Variants in MYOM2 observed in about 807,000 individuals in gnomAD.
The protein encoded by MYOM2 is myomesin 2.
MYOM2 carries 254 observed loss-of-function variants against 187.6 expected under a neutral mutation model. The observed-to-expected ratio is 1.35, with a 90% CI of 1.22 to 1.50. MYOM2 has a LOEUF of 1.50. MYOM2 is among the 40% of genes most tolerant of loss of function. The pLI is 0.00. For synonymous variants in MYOM2, 981 were observed against 753.8 expected (o/e 1.30, Z -4.94); for missense variants, 2,796 against 1,924.0 (o/e 1.45, Z -8.48).
intron 23 of MYOM2, among the ~76,000 whole-genome samples, chr8:2,107,985 G>T (rs923928922): frequency 2.6e-5 from 4 of 152,196 alleles, no homozygotes; most frequent in African/African-American, 9.6e-5. Context: ...TTCATTCCAT[G>T]TATGGAAATT....
At chr8:2,112,741 CAGAG>C (rs1466256520) in intron 25 of MYOM2, among the ~76,000 whole-genome samples, 1 of 152,144 alleles carries the variant, frequency 6.6e-6, no homozygotes, top group African/African-American at 2.4e-5. Flanking sequence ...AATGTAAACT[CAGAG>C]AGAAAGAAGA....
chr8:2,135,451 G>A lies in MYOM2; in HGVS notation c.3801-5272G>A, dbSNP rs142438394. On this transcript the variant is annotated intron_variant, in intron 32 of 36. Transcript: ENST00000262113. ...TGTTTTGGGAAATGTGAAAGGCAGT[G>A]TGGTTGTAAGAGTCTGAGCTACAGA... Among the ~76,000 whole-genome samples, 27 of 152,276 alleles carry A rather than the reference G, an allele frequency of 1.8e-4. No homozygotes were observed. The East Asian group carries it at 4.2e-3, about 24-fold the overall frequency.
chr8:2,078,725 A>C lies in MYOM2; in HGVS notation c.1263-9A>C. The C allele has an allele frequency of 6.2e-7, 1 of 1,613,508 alleles. No homozygotes were observed. Among genetic ancestry groups the C allele is most frequent in the Non-Finnish European group, 8.5e-7 (1 of 1,179,754 alleles). The stretch of plus-strand genomic sequence containing the variant: ...TATTCTCTGTTGTTTTTCTTTTTTT[A>C]ACTTGAAGATGTGAAGTAGGAACGA... On this transcript the variant is annotated splice_polypyrimidine_tract_variant and intron_variant, in intron 11 of 36. Transcript: ENST00000262113.
At chr8:2,065,252 T>G (rs1414823635) in intron 6 of MYOM2, among the ~76,000 whole-genome samples, 1 of 152,086 alleles carries the variant, frequency 6.6e-6, no homozygotes, top group Non-Finnish European at 1.5e-5. Flanking sequence ...AAGGAGAATT[T>G]GAGGCTGGCA....
chr8:2,143,374 C>T, intron 35 of MYOM2, 27 bp from the exon 36 acceptor site: 1 of 1,614,194 alleles, frequency 6.2e-7, no homozygotes, highest in African/African-American at 1.3e-5. Flanking sequence ...CAGATGTTTT[C>T]CTAACCAAGG....
Position 2,144,745 on chromosome 8 carries a change from A to T in MYOM2, c.4162A>T (p.Ser1388Cys). Residue 1388 changes from serine (S) to cysteine (C), a missense_variant, in exon 37 of 37, where the codon AGC becomes TGC. Coordinates refer to ENST00000262113, the MANE Select transcript of MYOM2 (RefSeq NM_003970.4). ...CAAGAACGACCAGGACATCCAGCTC[A>T]GCGAGCACTTCTCGGTGAAGGTGGA... is the stretch of plus-strand genomic sequence containing the variant. ...WFKNDQDIQL[S>C]EHFSVKVEQA... 2 of 1,613,920 alleles carry T rather than the reference A, an allele frequency of 1.2e-6. No individual in the cohort carries two copies. The highest frequency in any genetic ancestry group is 1.7e-6 in the Non-Finnish European group (2 of 1,179,986).
At chr8:2,084,258 C>T (rs1381175718) in intron 13 of MYOM2, among the ~76,000 whole-genome samples, 2 of 152,182 alleles carry the variant, frequency 1.3e-5, no homozygotes, top group African/African-American at 2.4e-5. Context: ...GTGTGAAATT[C>T]AGCACCTTAC....
At chr8:2,066,824 C>G (rs921973193) in intron 6 of MYOM2, among the ~76,000 whole-genome samples, 1 of 152,220 alleles carries the variant, frequency 6.6e-6, no homozygotes, top group African/African-American at 2.4e-5. Flanking sequence ...TTGCTTTGCA[C>G]CTGGGGACAT....
At chr8:2,111,952 G>T (rs990808541) in intron 25 of MYOM2, among the ~76,000 whole-genome samples, 1 of 152,172 alleles carries the variant, frequency 6.6e-6, no homozygotes, top group South Asian at 2.1e-4. Flanking sequence ...GGTGATTTTT[G>T]TGTTTATGGG....
intron 18 of MYOM2, among the ~76,000 whole-genome samples, chr8:2,097,493 A>G (rs1796534794): frequency 6.6e-6 from 1 of 152,174 alleles, no homozygotes; most frequent in Admixed American, 6.5e-5. Flanking sequence ...TGCAGTGAGA[A>G]CATTTAAAAT....
At chr8:2,129,286 C>A in intron 32 of MYOM2, 54 bp downstream of exon 32, 1 of 1,278,682 alleles carries the variant, frequency 7.8e-7, no homozygotes, top group Non-Finnish European at 1.1e-6. Context: ...CTGTCCAGGG[C>A]GCACAGCTGG....
intron 32 of MYOM2, among the ~76,000 whole-genome samples, chr8:2,139,664 G>A (rs1265283793): frequency 3.3e-5 from 5 of 152,148 alleles, no homozygotes; most frequent in Non-Finnish European, 5.9e-5. Context: ...TCTGGAGCTG[G>A]TGCCCGAGAG....
chr8:2,072,662 C>T (rs1257835778), intron 9 of MYOM2, among the ~76,000 whole-genome samples, 153 bp downstream of exon 9: 2 of 152,176 alleles, frequency 1.3e-5, no homozygotes, highest in Non-Finnish European at 2.9e-5. Context: ...GACTTGGTGG[C>T]CCACCGTTCG....
rs112987392 is a variant in MYOM2 at position 2,129,233 on chromosome 8, G to T, written c.3800+1G>T. 3.7e-6 allele frequency: 6 copies of T among 1,602,220 alleles called. No homozygotes were observed. Among genetic ancestry groups the T allele is most frequent in the Non-Finnish European group, 5.1e-6 (6 of 1,169,626 alleles). ...AAATGAAAGTGAACTGGTGTCACAA[G>T]TAAGTATGACAGCAGCCGATGGAGG... On this transcript the variant is annotated splice_donor_variant, in intron 32 of 36. Transcript: ENST00000262113. LOFTEE classifies it high-confidence loss of function.
At chr8:2,050,659 C>T (rs2129326874) in intron 1 of MYOM2, 96 bp from the exon 2 acceptor site, 4 of 653,660 alleles carry the variant, frequency 6.1e-6, no homozygotes, top group Non-Finnish European at 8.0e-6. Flanking sequence ...GTTTTATTAA[C>T]TGGAGTTCAT....
chr8:2,142,306 G>A, intron 34 of MYOM2, 69 bp from the exon 35 acceptor site: 2 of 1,453,576 alleles, frequency 1.4e-6, no homozygotes, highest in Non-Finnish European at 1.9e-6. Context: ...TCTCAGCTGT[G>A]CATTTTGTTG....
rs984116295 is a variant in MYOM2, at chr8:2,099,223, A to G, written c.2440+240A>G. On this transcript the variant is annotated intron_variant, in intron 19 of 36. Coordinates refer to ENST00000262113, the MANE Select transcript of MYOM2 (RefSeq NM_003970.4). The stretch of plus-strand genomic sequence containing the variant: ...GATGAGGGCAGAGTAGGAGGCCCTG[A>G]GGGTGAGGTGGGAGGGAGCACAGGA... Among the ~76,000 whole-genome samples the G allele has an allele frequency of 5.9e-5, 9 of 152,298 alleles. No individual in the cohort carries two copies. In the South Asian group the frequency reaches 1.0e-3, roughly 18 times the overall value.
intron 36 of MYOM2, 34 bp downstream of exon 36, chr8:2,143,490 T>A: frequency 1.9e-6 from 3 of 1,613,290 alleles, no homozygotes; most frequent in Non-Finnish European, 2.5e-6. Flanking sequence ...GGTGGGGGTG[T>A]CAGCACGGTG....
chr8:2,100,900 G>A lies in MYOM2; in HGVS notation c.2465G>A (p.Cys822Tyr), dbSNP rs746999980. The stretch of plus-strand genomic sequence containing the variant: ...GGTCCTGCCTACGACTTGACGTTCT[G>A]TGAGGTCAGGGACACGTCCTTGGTC... ...EPGPAYDLTF[C>Y]EVRDTSLVML... is the part of the protein sequence containing the mutation. The change falls in exon 20 of 37, where the codon TGT becomes TAT. Residue 822 changes from cysteine (C) to tyrosine (Y), a missense_variant. By Grantham distance (194) the Cys-to-Tyr change is radical. Transcript: ENST00000262113. 6.2e-7 allele frequency: 1 copy of A among 1,614,210 alleles called. No individual in the cohort carries two copies. Among genetic ancestry groups the A allele is most frequent in the Non-Finnish European group, 8.5e-7 (1 of 1,180,040 alleles).
Sources: allele counts gnomAD v4.1 joint callset (sites outside exome capture counted in the v4.1 genomes callset), GRCh38; gene constraint gnomAD v4.1.1; transcripts MANE v1.5; gene names NCBI Gene and HGNC (gene_info 2026-07-23, HGNC 2026-07-21).